The following STX8 variants were observed in gnomAD, a reference collection of about 807,000 sequenced individuals.
The protein encoded by STX8 is syntaxin-8.
Under a neutral mutation model 37.5 loss-of-function variants are expected in STX8, and 23 were observed. The observed-to-expected ratio is 0.61, with a 90% confidence interval of 0.44 to 0.87. The LOEUF (loss-of-function observed/expected upper bound fraction) is 0.87. Ranked by LOEUF, STX8 falls within the 40% of genes least tolerant of loss-of-function variation. STX8 has a pLI of 0.00. For synonymous variants in STX8, 115 were observed against 99.1 expected, an observed-to-expected ratio of 1.16 and a Z score of -0.95; for missense variants, 313 against 284.7, an observed-to-expected ratio of 1.10 and a Z score of -0.71.
chr17:9,551,404 A>C (rs1400900525), intron 3 of STX8, among the ~76,000 whole-genome samples: 1 of 152,198 alleles, frequency 6.6e-6, no homozygotes, highest in Admixed American at 6.5e-5. Context: ...ATGACCTGTA[A>C]ATTCTCAATG....
chr17:9,537,520 A>C (rs1906106750), intron 4 of STX8, among the ~76,000 whole-genome samples: 1 of 152,184 alleles, frequency 6.6e-6, no homozygotes, highest in Admixed American at 6.5e-5. Context: ...AAAAGCTTTC[A>C]TGTATTAAAA....
chr17:9,250,826 C>A (rs1906547863), intron 7 of STX8, among the ~76,000 whole-genome samples, 181 bp from the exon 8 acceptor site: 1 of 152,024 alleles, frequency 6.6e-6, no homozygotes, highest in African/African-American at 2.4e-5. Flanking sequence ...TCTGGCTTTG[C>A]AGGATGCTGA....
chr17:9,409,999 C>T (rs915307184), intron 6 of STX8, among the ~76,000 whole-genome samples: 4 of 146,400 alleles, frequency 2.7e-5, no homozygotes, highest in Non-Finnish European at 4.5e-5. Flanking sequence ...ATCGTAAGTA[C>T]GAAAGGATTG....
chr17:9,315,028 G>A (rs1909333057), intron 7 of STX8, among the ~76,000 whole-genome samples: 1 of 151,174 alleles, frequency 6.6e-6, no homozygotes, highest in Non-Finnish European at 1.5e-5. Flanking sequence ...CTTGAATCCG[G>A]GAGGTGGAGT....
chr17:9,289,698 T>C (rs1476418537), intron 7 of STX8, among the ~76,000 whole-genome samples: 1 of 151,588 alleles, frequency 6.6e-6, no homozygotes, highest in Non-Finnish European at 1.5e-5. Flanking sequence ...GAGAATGGCA[T>C]GAACCCGGGA....
intron 6 of STX8, among the ~76,000 whole-genome samples, chr17:9,399,401 G>A (rs1038383658): frequency 1.3e-5 from 2 of 152,152 alleles, no homozygotes; most frequent in Admixed American, 6.6e-5. Context: ...AGTGGTTTGC[G>A]CAAAGTGACA....
chr17:9,362,405 C>G (rs1465459024), intron 7 of STX8, among the ~76,000 whole-genome samples: 1 of 152,168 alleles, frequency 6.6e-6, no homozygotes, highest in Non-Finnish European at 1.5e-5. Flanking sequence ...GAATCTCTAT[C>G]TACCAATTAC....
chr17:9,272,356 C>G (rs939325957), intron 7 of STX8, among the ~76,000 whole-genome samples: 7 of 152,230 alleles, frequency 4.6e-5, no homozygotes, highest in African/African-American at 1.4e-4. Flanking sequence ...CAGATAACTA[C>G]CCGGCAGGGA....
intron 7 of STX8, among the ~76,000 whole-genome samples, chr17:9,280,657 G>A (rs756599206): frequency 2.0e-5 from 3 of 152,162 alleles, no homozygotes; most frequent in African/African-American, 4.8e-5. Context: ...CTGAGGAACC[G>A]TAAAAGAAAA....
chr17:9,334,502 G>A (rs1035586865), intron 7 of STX8, among the ~76,000 whole-genome samples: 1 of 152,174 alleles, frequency 6.6e-6, no homozygotes, highest in Non-Finnish European at 1.5e-5. Context: ...GCAAGATGGA[G>A]TCGTTTAAAT....
chr17:9,540,432 A>C (rs1347338958), intron 4 of STX8, among the ~76,000 whole-genome samples: 1 of 152,180 alleles, frequency 6.6e-6, no homozygotes, highest in Non-Finnish European at 1.5e-5. Flanking sequence ...GGACAAGCAT[A>C]TGCGGACATG....
chr17:9,285,729 A>T (rs536791111), intron 7 of STX8, among the ~76,000 whole-genome samples: 2 of 152,358 alleles, frequency 1.3e-5, no homozygotes, highest in African/African-American at 4.8e-5. Flanking sequence ...TCATGCCTGA[A>T]AATTGCAAAT....
intron 6 of STX8, among the ~76,000 whole-genome samples, chr17:9,434,938 A>C (rs1904377617): frequency 6.6e-6 from 1 of 152,132 alleles, no homozygotes; most frequent in African/African-American, 2.4e-5. Flanking sequence ...CTGCCATGGC[A>C]CTGCTGGGAG....
intron 2 of STX8, among the ~76,000 whole-genome samples, chr17:9,560,658 T>C (rs576035741): frequency 6.6e-6 from 1 of 151,874 alleles, no homozygotes; most frequent in South Asian, 2.1e-4. Context: ...TTCCCCAATT[T>C]AAATCTATAA....
chr17:9,398,722 T>A (rs1912497171), intron 6 of STX8, among the ~76,000 whole-genome samples: 1 of 152,094 alleles, frequency 6.6e-6, no homozygotes, highest in South Asian at 2.1e-4. Flanking sequence ...AAAAATAAAG[T>A]CATACTATCT....
At position 9,545,144 on chromosome 17, in the gene STX8, G is replaced by A. The variant is rs372649367; in HGVS notation, c.323+28C>T. On this transcript the variant is annotated intron_variant, in intron 4 of 7. Transcript: ENST00000306357. ...CTGCAAAGAAGTCTTCGCCCACCAA[G>A]TAATCCCTGTAAATAAAAACATCCT... 7.2e-6 allele frequency: 11 copies of A among 1,522,048 alleles called. No homozygotes were observed. In the African/African-American group the frequency reaches 1.5e-4, roughly 21 times the overall value. 94.3% of individuals were successfully genotyped at this position (1,522,048 alleles called of 1,614,324 possible).
At chr17:9,361,518 A>G (rs1277843541) in intron 7 of STX8, among the ~76,000 whole-genome samples, 1 of 152,246 alleles carries the variant, frequency 6.6e-6, no homozygotes, top group African/African-American at 2.4e-5. Flanking sequence ...GAAGAGCAGC[A>G]GGAGTAGGGA....
intron 6 of STX8, among the ~76,000 whole-genome samples, chr17:9,421,777 T>C (rs1740153902): frequency 6.6e-6 from 1 of 152,140 alleles, no homozygotes; most frequent in Non-Finnish European, 1.5e-5. Context: ...TTTGGCTCTG[T>C]GTCCTCACCC....
chr17:9,305,215 C>T (rs1330976639), intron 7 of STX8, among the ~76,000 whole-genome samples: 2 of 152,004 alleles, frequency 1.3e-5, no homozygotes, highest in African/African-American at 4.8e-5. Flanking sequence ...GCCTCAGCAT[C>T]CCAAGTAGCT....
Sources: allele counts gnomAD v4.1 joint callset (sites outside exome capture counted in the v4.1 genomes callset), GRCh38; gene constraint gnomAD v4.1.1; transcripts MANE v1.5; gene names NCBI Gene and HGNC (gene_info 2026-07-23, HGNC 2026-07-21).